THADA: variants seen among roughly 807,000 people sequenced by gnomAD.
The protein encoded by THADA is tRNA (32-2'-O)-methyltransferase regulator THADA.
Under a neutral mutation model 219.8 loss-of-function variants are expected in THADA, and 213 were observed. The observed-to-expected ratio is 0.97, with a 90% CI of 0.87 to 1.09. The LOEUF is 1.09. Ranked by LOEUF, THADA falls within the 50% of genes least tolerant of loss-of-function variation. The probability of loss-of-function intolerance (pLI) is 0.00; values close to 1 mark genes in which losing one functional copy is unlikely to be tolerated. For missense variants in THADA, 2,956 were observed against 2,311.3 expected (o/e 1.28, Z -5.72); for synonymous variants, 1,018 against 828.9 (o/e 1.23, Z -3.92).
At chr2:43,306,337 G>T (rs1216053982) in intron 31 of THADA, among the ~76,000 whole-genome samples, 3 of 152,162 alleles carry the variant, frequency 2.0e-5, no homozygotes, top group African/African-American at 7.2e-5. Context: ...CGGCGAATTG[G>T]TCCGAAGAAC....
At chr2:43,524,565 G>C (rs1466880011) in intron 22 of THADA, among the ~76,000 whole-genome samples, 1 of 152,044 alleles carries the variant, frequency 6.6e-6, no homozygotes. Context: ...TAACTTAAGG[G>C]CTTATAAAAC....
chr2:43,574,227 C>G lies in THADA; in HGVS notation c.1729+109G>C. ...CATCTATCATTAATCTCTTCCTTTACTATTTATAGAAGTGATATTTAAATT... is the reference window on the plus strand; with the variant it reads ...CATCTATCATTAATCTCTTCCTTTAGTATTTATAGAAGTGATATTTAAATT... On this transcript the variant is annotated intron_variant, in intron 11 of 37. Transcript: ENST00000405975. The G allele has an allele frequency of 3.8e-6, 3 of 779,892 alleles. No individual in the cohort carries two copies. The South Asian group carries it at 6.4e-5, about 17-fold the overall frequency. 48.3% of individuals were successfully genotyped at this position (779,892 alleles called of 1,614,324 possible). A position where few individuals can be genotyped will look rare whatever the true frequency, so the allele number is the denominator to read the frequency against.
chr2:43,454,540 T>A (rs1682750942), intron 26 of THADA, among the ~76,000 whole-genome samples: 1 of 151,964 alleles, frequency 6.6e-6, no homozygotes, highest in Non-Finnish European at 1.5e-5. Flanking sequence ...AGGTCGAGGC[T>A]GCAGTGAGCC....
At chr2:43,554,256 C>A (rs1241982249) in intron 17 of THADA, among the ~76,000 whole-genome samples, 4 of 152,104 alleles carry the variant, frequency 2.6e-5, no homozygotes, top group African/African-American at 9.7e-5. Context: ...ATATTTAAGT[C>A]TTTTATTTAT....
chr2:43,552,402 C>G (rs946481112), intron 17 of THADA, 63 bp from the exon 18 acceptor site: 3 of 1,510,890 alleles, frequency 2.0e-6, no homozygotes, highest in East Asian at 4.6e-5. Flanking sequence ...AATGTACGAA[C>G]AGCAAAATAG....
intron 15 of THADA, among the ~76,000 whole-genome samples, chr2:43,561,909 G>C (rs1698114828): frequency 6.6e-6 from 1 of 152,074 alleles, no homozygotes; most frequent in Non-Finnish European, 1.5e-5. Flanking sequence ...TCATCATCTT[G>C]TCCTTCCTAT....
chr2:43,513,850 A>T (rs1690816936), intron 22 of THADA, among the ~76,000 whole-genome samples: 1 of 152,152 alleles, frequency 6.6e-6, no homozygotes, highest in Non-Finnish European at 1.5e-5. Flanking sequence ...AAAAACCTTA[A>T]AATAACTATG....
intron 28 of THADA, among the ~76,000 whole-genome samples, chr2:43,412,329 T>G (rs1449839537): frequency 6.6e-6 from 1 of 152,176 alleles, no homozygotes; most frequent in East Asian, 1.9e-4. Context: ...TGCATAATCT[T>G]CAACCCAAGA....
At chr2:43,484,954 C>CA (rs1328578876) in intron 26 of THADA, among the ~76,000 whole-genome samples, 25 of 134,136 alleles carry the variant, frequency 1.9e-4, no homozygotes, top group Admixed American at 4.4e-4. Flanking sequence ...AAAAAAAAAA[C>CA]AAAAAAAACA....
chr2:43,549,155 T>C, intron 20 of THADA, 55 bp downstream of exon 20: 1 of 1,393,084 alleles, frequency 7.2e-7, no homozygotes, highest in East Asian at 2.6e-5. Flanking sequence ...GGGCATTCTG[T>C]ACATTTTACT....
intron 29 of THADA, among the ~76,000 whole-genome samples, chr2:43,358,457 G>C (rs1411044569): frequency 6.6e-6 from 1 of 152,130 alleles, no homozygotes; most frequent in Non-Finnish European, 1.5e-5. Flanking sequence ...AACCCACTGG[G>C]GGCAGAGAAG....
chr2:43,509,335 C>T (rs938352085), intron 22 of THADA, among the ~76,000 whole-genome samples: 1 of 152,150 alleles, frequency 6.6e-6, no homozygotes, highest in Non-Finnish European at 1.5e-5. Context: ...AACATTACAT[C>T]AGTGAGCTTC....
At chr2:43,552,377 C>G (rs539250733) in intron 17 of THADA, 38 bp from the exon 18 acceptor site, 3 of 1,567,622 alleles carry the variant, frequency 1.9e-6, no homozygotes, top group African/African-American at 2.8e-5. Context: ...TAATGTCAAT[C>G]TTAAAACATT....
chr2:43,573,201 T>C (rs1040392932), intron 11 of THADA, among the ~76,000 whole-genome samples: 1 of 152,268 alleles, frequency 6.6e-6, no homozygotes, highest in Non-Finnish European at 1.5e-5. Context: ...CAAGTAAGCA[T>C]AATTCTCTTA....
intron 29 of THADA, among the ~76,000 whole-genome samples, chr2:43,387,114 CAA>C (rs1035768243): frequency 2.6e-5 from 4 of 152,076 alleles, no homozygotes; most frequent in African/African-American, 9.7e-5. Flanking sequence ...GTCCCCCACC[CAA>C]GAGAGGATCA....
intron 28 of THADA, among the ~76,000 whole-genome samples, chr2:43,406,372 A>C (rs773789514): frequency 7.2e-5 from 11 of 152,256 alleles, no homozygotes; most frequent in Non-Finnish European, 8.8e-5. Context: ...CTGAACGCTA[A>C]TTTCTGGTCA....
At chr2:43,531,932 A>G (rs1242601182) in intron 21 of THADA, among the ~76,000 whole-genome samples, 2 of 151,904 alleles carry the variant, frequency 1.3e-5, no homozygotes, top group Non-Finnish European at 2.9e-5. Context: ...AAGAATACCT[A>G]TAAAAACCCA....
chr2:43,391,213 C>T (rs962582318), intron 29 of THADA, among the ~76,000 whole-genome samples: 1 of 152,084 alleles, frequency 6.6e-6, no homozygotes, highest in Non-Finnish European at 1.5e-5. Flanking sequence ...ATATATTTTT[C>T]CTCTTTTTGC....
intron 29 of THADA, among the ~76,000 whole-genome samples, chr2:43,350,213 G>A (rs534498628): frequency 6.6e-6 from 1 of 152,258 alleles, no homozygotes; most frequent in African/African-American, 2.4e-5. Flanking sequence ...GCAGGCAGAA[G>A]TATTTTATGG....
Sources: allele counts gnomAD v4.1 joint callset (sites outside exome capture counted in the v4.1 genomes callset), GRCh38; gene constraint gnomAD v4.1.1; transcripts MANE v1.5; gene names NCBI Gene and HGNC (gene_info 2026-07-23, HGNC 2026-07-21).